SUMF1: variants seen among roughly 807,000 people sequenced by gnomAD.
The protein encoded by SUMF1 is sulfatase modifying factor 1, also known as formylglycine-generating enzyme.
SUMF1 carries 48 observed loss-of-function variants against 47.6 expected under a neutral mutation model. That is an observed-to-expected ratio of 1.01 (90% CI 0.80 to 1.28). The LOEUF (loss-of-function observed/expected upper bound fraction) is 1.28. SUMF1 is among the 50% of genes most tolerant of loss of function. The pLI, the probability that SUMF1 is intolerant of heterozygous loss-of-function variation, is 0.00. For synonymous variants in SUMF1, 230 were observed against 192.1 expected, an observed-to-expected ratio of 1.20 and a Z score of -1.63; for missense variants, 571 against 485.4, an observed-to-expected ratio of 1.18 and a Z score of -1.66.
intron 3 of SUMF1, among the ~76,000 whole-genome samples, chr3:4,427,621 T>C (rs979260784): frequency 6.6e-6 from 1 of 152,242 alleles, no homozygotes; most frequent in Non-Finnish European, 1.5e-5. Flanking sequence ...GAAAAATGCC[T>C]GCTTTTTCAA....
At chr3:4,260,905 T>A (rs1697071435) in intron 8 of SUMF1, among the ~76,000 whole-genome samples, 1 of 152,012 alleles carries the variant, frequency 6.6e-6, no homozygotes, top group Non-Finnish European at 1.5e-5. Flanking sequence ...AAAGGCAAGG[T>A]AACGAATTCT....
intron 1 of SUMF1, among the ~76,000 whole-genome samples, chr3:4,465,564 C>T (rs544625360): frequency 6.6e-6 from 1 of 151,758 alleles, no homozygotes; most frequent in East Asian, 1.9e-4. Flanking sequence ...CAAGTATGGC[C>T]AATACACACT....
At chr3:4,061,948 C>G (rs940580002) in intron 9 of SUMF1, among the ~76,000 whole-genome samples, 2 of 151,932 alleles carry the variant, frequency 1.3e-5, no homozygotes, top group Admixed American at 1.3e-4. Context: ...CATTTGATAC[C>G]TGGTCCTCCC....
chr3:4,105,164 G>A (rs1443968579), intron 8 of SUMF1, among the ~76,000 whole-genome samples: 1 of 152,112 alleles, frequency 6.6e-6, no homozygotes, highest in African/African-American at 2.4e-5. Context: ...TCACTTACAT[G>A]TGGAATCTAA....
chr3:4,405,270 A>C (rs1288369978), intron 7 of SUMF1, among the ~76,000 whole-genome samples: 2 of 152,216 alleles, frequency 1.3e-5, no homozygotes, highest in East Asian at 3.8e-4. Context: ...ATGTGCCCCA[A>C]ATGTACTTAA....
chr3:4,130,569 T>C (rs1693764295), intron 8 of SUMF1, among the ~76,000 whole-genome samples: 1 of 152,158 alleles, frequency 6.6e-6, no homozygotes, highest in Admixed American at 6.5e-5. Context: ...GAGACATTTG[T>C]GTGCCACAGG....
At chr3:4,319,603 C>G (rs1438118061) in intron 8 of SUMF1, among the ~76,000 whole-genome samples, 1 of 152,190 alleles carries the variant, frequency 6.6e-6, no homozygotes. Context: ...GGTCAATTTC[C>G]ATGTGTGTTC....
chr3:4,399,377 A>T (rs1460077648), intron 7 of SUMF1, among the ~76,000 whole-genome samples: 1 of 152,132 alleles, frequency 6.6e-6, no homozygotes, highest in Admixed American at 6.5e-5. Context: ...GTTGACGGAG[A>T]CCACTCTTCC....
chr3:4,222,401 C>T (rs1161327026), intron 8 of SUMF1, among the ~76,000 whole-genome samples: 7 of 151,984 alleles, frequency 4.6e-5, no homozygotes, highest in Non-Finnish European at 8.8e-5. Context: ...TTTCTGTGAG[C>T]TCTGTGAGGG....
In SUMF1 at chr3:4,254,871, C is replaced by A. The variant is rs1403372251; in HGVS notation, c.1014+121459G>T. 6.6e-5 allele frequency among the ~76,000 whole-genome samples: 10 copies of A among 152,154 alleles called. No homozygotes were observed. In the South Asian group the frequency reaches 2.1e-3, roughly 32 times the overall value. On this transcript the variant is annotated intron_variant and NMD_transcript_variant, in intron 8 of 12. Coordinates refer to the SUMF1 transcript ENST00000448413. ...ATTAAGGGCAGCCAGAGAGAAAGGT[C>A]GGGTTACCCTCAAAGGGAAGCCCAT...
intron 1 of SUMF1, among the ~76,000 whole-genome samples, chr3:4,465,083 A>G (rs1006427273): frequency 6.6e-6 from 1 of 152,186 alleles, no homozygotes; most frequent in African/African-American, 2.4e-5. Context: ...TGCCAGAGGA[A>G]TCTAGATAAA....
chr3:4,081,662 T>C (rs1210614607), intron 8 of SUMF1, among the ~76,000 whole-genome samples: 5 of 152,142 alleles, frequency 3.3e-5, no homozygotes, highest in Non-Finnish European at 5.9e-5. Flanking sequence ...TCTTCAGTTA[T>C]AAAATGGGAC....
chr3:4,117,408 G>C (rs1355886305), intron 8 of SUMF1, among the ~76,000 whole-genome samples: 1 of 152,084 alleles, frequency 6.6e-6, no homozygotes, highest in Non-Finnish European at 1.5e-5. Context: ...TTTAAACTAT[G>C]ATACATGCTA....
rs77302443 is a variant in SUMF1 at position 4,040,401 on chromosome 3, A to T, written c.1191+28168T>A. Among the ~76,000 whole-genome samples the T allele has an allele frequency of 4.8e-3, 735 of 152,154 alleles. 8 individuals carry two copies. The highest frequency in any genetic ancestry group is 0.017 in the African/African-American group (701 of 41,500). On this transcript the variant is annotated intron_variant and NMD_transcript_variant, in intron 9 of 12. Transcript: ENST00000448413. ...AATTTATTCTTCCCCATGTCTCCCT[A>T]CTATAGTGACCAGGAACCCAGCAGG... is the stretch of plus-strand genomic sequence containing the variant.
chr3:4,363,574 G>A (rs540301098), intron 8 of SUMF1, among the ~76,000 whole-genome samples: 17 of 151,892 alleles, frequency 1.1e-4, no homozygotes, highest in African/African-American at 3.9e-4. Flanking sequence ...CATTGATTTC[G>A]TATCCTGAGA....
At chr3:4,035,885 T>TAA (rs56097201) in intron 9 of SUMF1, among the ~76,000 whole-genome samples, 149,644 of 152,248 alleles carry the variant, frequency 0.98, 73,594 homozygotes, top group Middle Eastern at 1. Flanking sequence ...TGAGATATGT[T>TAA]AGAGACACTG....
chr3:4,378,503 T>C (rs1463020780), intron 7 of SUMF1, among the ~76,000 whole-genome samples: 1 of 152,226 alleles, frequency 6.6e-6, no homozygotes, highest in African/African-American at 2.4e-5. Flanking sequence ...AGGCCTTAAA[T>C]GCTTAATGTC....
chr3:4,462,437 G>C (rs1414922247), intron 1 of SUMF1, among the ~76,000 whole-genome samples: 1 of 152,310 alleles, frequency 6.6e-6, no homozygotes, highest in South Asian at 2.1e-4. Context: ...TGCTGCCTGA[G>C]GCCCTGTATC....
At chr3:4,381,241 A>G (rs1242307860) in intron 7 of SUMF1, among the ~76,000 whole-genome samples, 1 of 152,208 alleles carries the variant, frequency 6.6e-6, no homozygotes, top group Non-Finnish European at 1.5e-5. Flanking sequence ...TCAGGAATGG[A>G]AAACCAAACA....
Sources: allele counts gnomAD v4.1 joint callset (sites outside exome capture counted in the v4.1 genomes callset), GRCh38; gene constraint gnomAD v4.1.1; transcripts MANE v1.5; gene names NCBI Gene and HGNC (gene_info 2026-07-23, HGNC 2026-07-21).